The following TRIQK variants were observed in gnomAD, a reference collection of about 807,000 sequenced individuals.
The protein encoded by TRIQK is triple QxxK/R motif-containing protein.
Under a neutral mutation model 10.8 loss-of-function variants are expected in TRIQK, and 10 were observed. The observed-to-expected ratio is 0.92, with a 90% CI of 0.57 to 1.57. The LOEUF (loss-of-function observed/expected upper bound fraction) is 1.57. TRIQK is among the 40% of genes most tolerant of loss of function. TRIQK has a pLI of 0.00. For synonymous variants in TRIQK, 33 were observed against 33.7 expected (o/e 0.98, Z 0.07); for missense variants, 107 against 97.7 (o/e 1.09, Z -0.40).
chr8:92,972,948 T>C (rs1354775798), intron 1 of TRIQK: 1 of 152,204 alleles, frequency 6.6e-6, no homozygotes, highest in Non-Finnish European at 1.5e-5. Flanking sequence ...ATGAAGCGTG[T>C]GCATGAGCAG....
At chr8:92,971,351 A>G (rs911545118) in intron 1 of TRIQK, among the ~76,000 whole-genome samples, 2 of 152,186 alleles carry the variant, frequency 1.3e-5, no homozygotes, top group African/African-American at 4.8e-5. Context: ...AGAGAAGTCA[A>G]ACTGTCTCTG....
intron 2 of TRIQK, among the ~76,000 whole-genome samples, chr8:92,948,841 T>C (rs1187606143): frequency 6.6e-6 from 1 of 152,238 alleles, no homozygotes; most frequent in Non-Finnish European, 1.5e-5. Flanking sequence ...TAAGCAATTG[T>C]CAAGTTTAGC....
At chr8:92,946,911 C>T (rs1476523640) in intron 2 of TRIQK, among the ~76,000 whole-genome samples, 1 of 151,890 alleles carries the variant, frequency 6.6e-6, no homozygotes, top group African/African-American at 2.4e-5. Context: ...AGGCGCCTGC[C>T]ACCACGCCTG....
intron 2 of TRIQK, among the ~76,000 whole-genome samples, chr8:92,921,250 A>G (rs1810167336): frequency 6.6e-6 from 1 of 151,748 alleles, no homozygotes; most frequent in African/African-American, 2.4e-5. Flanking sequence ...GCTAGAAGCA[A>G]TAAATGCTAG....
intron 1 of TRIQK, among the ~76,000 whole-genome samples, chr8:93,014,999 CA>C (rs1445850199): frequency 6.6e-6 from 1 of 151,972 alleles, no homozygotes; most frequent in Non-Finnish European, 1.5e-5. Context: ...AACATTTCCT[CA>C]AGAAGAGTGA....
At chr8:92,949,005 A>ACCAGGC (rs1811692793) in intron 2 of TRIQK, among the ~76,000 whole-genome samples, 1 of 152,194 alleles carries the variant, frequency 6.6e-6, no homozygotes, top group African/African-American at 2.4e-5. Context: ...AACCAGGCTC[A>ACCAGGC]AATGAGGCAA....
chr8:93,003,135 TG>T (rs751770622), intron 1 of TRIQK, among the ~76,000 whole-genome samples: 3 of 152,076 alleles, frequency 2.0e-5, no homozygotes, highest in Non-Finnish European at 2.9e-5. Context: ...TCTGATTATG[TG>T]GGTGTATCCA....
At position 92,915,434 on chromosome 8, in the gene TRIQK, T is replaced by C. The variant is rs868132585; in HGVS notation, c.61+1495A>G. ...TTGACTGTAGTAATCATTTACTCTGTGTGTGTATAGCAAAAAGTGATGTTG... is the reference window on the plus strand; with the variant it reads ...TTGACTGTAGTAATCATTTACTCTGCGTGTGTATAGCAAAAAGTGATGTTG... On this transcript the variant is annotated intron_variant, in intron 3 of 4. Transcript: ENST00000521988. 4.4e-4 allele frequency among the ~76,000 whole-genome samples: 67 copies of C among 152,184 alleles called. No individual in the cohort carries two copies. The Middle Eastern group carries it at 0.01, about 23-fold the overall frequency.
chr8:92,998,116 A>T (rs1813172544), intron 1 of TRIQK, among the ~76,000 whole-genome samples: 1 of 152,004 alleles, frequency 6.6e-6, no homozygotes, highest in South Asian at 2.1e-4. Context: ...CCTCAAGGCT[A>T]AACTTTTTTC....
chr8:92,969,726 G>T (rs1295561115), upstream of TRIQK, among the ~76,000 whole-genome samples: 3 of 151,924 alleles, frequency 2.0e-5, no homozygotes, highest in African/African-American at 7.3e-5. Flanking sequence ...TGAAAGAAAG[G>T]TGTTAAATCT....
chr8:93,009,033 A>G (rs1813302208), intron 1 of TRIQK, among the ~76,000 whole-genome samples: 1 of 152,248 alleles, frequency 6.6e-6, no homozygotes, highest in Non-Finnish European at 1.5e-5. Flanking sequence ...TGAAGAGACA[A>G]TATGGATAAC....
At chr8:93,017,084 A>G (rs951420812) in intron 1 of TRIQK, among the ~76,000 whole-genome samples, 3 of 150,130 alleles carry the variant, frequency 2.0e-5, no homozygotes, top group African/African-American at 4.9e-5. Context: ...TAATAGTTAA[A>G]CACAAATGTA....
intron 1 of TRIQK, among the ~76,000 whole-genome samples, chr8:92,971,251 T>G (rs1170910214): frequency 6.6e-6 from 1 of 152,036 alleles, no homozygotes; most frequent in Non-Finnish European, 1.5e-5. Flanking sequence ...AAGGATGCCC[T>G]CTCTCACCAC....
intron 1 of TRIQK, chr8:92,973,220 C>G (rs1183501944): frequency 6.6e-6 from 1 of 152,132 alleles, no homozygotes; most frequent in Non-Finnish European, 1.5e-5. Flanking sequence ...GGTTCAGTAA[C>G]AACAATATAC....
intron 4 of TRIQK, among the ~76,000 whole-genome samples, chr8:92,891,382 C>T (rs977786324): frequency 6.6e-6 from 1 of 151,814 alleles, no homozygotes; most frequent in Admixed American, 6.6e-5. Context: ...ACTCTAAATA[C>T]CTGGCAAAAG....
intron 3 of TRIQK, among the ~76,000 whole-genome samples, chr8:92,910,186 A>G (rs1428102233): frequency 2.0e-5 from 3 of 151,434 alleles, no homozygotes; most frequent in African/African-American, 4.8e-5. Context: ...AAGACTATTT[A>G]AATTCTAGTA....
intron 1 of TRIQK, among the ~76,000 whole-genome samples, chr8:92,978,516 G>A (rs184099358): frequency 2.4e-4 from 37 of 152,198 alleles, no homozygotes; most frequent in Admixed American, 1.5e-3. Flanking sequence ...GGTCTAGGAG[G>A]ATGTTTCATT....
chr8:92,930,828 A>G (rs1353368034), intron 2 of TRIQK, among the ~76,000 whole-genome samples: 2 of 152,158 alleles, frequency 1.3e-5, no homozygotes, highest in Admixed American at 1.3e-4. Flanking sequence ...AAAACTCAAG[A>G]TTGTTTGAAT....
intron 1 of TRIQK, among the ~76,000 whole-genome samples, chr8:93,006,682 G>A (rs1037521011): frequency 6.6e-6 from 1 of 152,156 alleles, no homozygotes; most frequent in Non-Finnish European, 1.5e-5. Context: ...TGGGGAGACC[G>A]GATGGATTGG....
Sources: gnomAD v4.1 joint callset for allele counts (sites outside exome capture counted in the v4.1 genomes callset) on GRCh38, gnomAD v4.1.1 for gene constraint, MANE v1.5 for transcripts, NCBI Gene and HGNC (gene_info 2026-07-23, HGNC 2026-07-21) for gene names.